The following MBNL3 variants were observed in gnomAD, a reference collection of about 807,000 sequenced individuals.
MBNL3 encodes the protein muscleblind-like protein 3.
MBNL3 carries 6 observed loss-of-function variants against 24.5 expected under a neutral mutation model. The ratio of observed to expected loss-of-function variants is 0.25; its 90% CI spans 0.13 to 0.48. MBNL3 has a LOEUF of 0.48. MBNL3 is among the 20% of genes least tolerant of loss of function. The pLI is 0.99. For missense variants in MBNL3, 230 were observed against 293.5 expected (o/e 0.78, Z 1.58); for synonymous variants, 100 against 101.7 (o/e 0.98, Z 0.10).
At position 132,377,750 on chromosome X, in the gene MBNL3, AG is replaced by A. The variant is rs1433680141; in HGVS notation, c.*1915del. 1.8e-5 allele frequency: 2 copies of A among 110,387 alleles called. No individual in the cohort carries two copies. Among genetic ancestry groups the A allele is most frequent in the African/African-American group, 6.6e-5 (2 of 30,420 alleles). The allele number at this position is 110,387 out of a possible 1,213,427, so 9.1% of individuals were successfully genotyped here. A position where few individuals can be genotyped will look rare whatever the true frequency, so the allele number is the denominator to read the frequency against. On this transcript the variant is annotated 3_prime_UTR_variant, in exon 9 of 9. Transcript: ENST00000370853. ...GATTCAAACACTTCTAGCCAGCTTAAGGTATCCTCAATCAGATTTGCTTTTT... is the reference window on the plus strand; with the variant it reads ...GATTCAAACACTTCTAGCCAGCTTAAGTATCCTCAATCAGATTTGCTTTTT...
chrX:132,387,274 G>GAAAA lies in MBNL3; in HGVS notation c.772-467_772-464dup, dbSNP rs1230246022. On this transcript the variant is annotated intron_variant, in intron 5 of 8. Coordinates refer to ENST00000370853, the MANE Select transcript of MBNL3 (RefSeq NM_001386889.1). ...GTGACAGAGCAAGAGCCTGTCTCAA[G>GAAAA]AAAAAAAAAAAAAAAAAAAGAGGTA... 4.9e-4 allele frequency among the ~76,000 whole-genome samples: 11 copies of GAAAA among 22,620 alleles called. 1 individual carries two copies. In the East Asian group the frequency reaches 9.3e-3, roughly 19 times the overall value. 19.6% of individuals were successfully genotyped at this position (22,620 alleles called of 115,157 possible). A position where few individuals can be genotyped will look rare whatever the true frequency, so the allele number is the denominator to read the frequency against.
intron 2 of MBNL3, among the ~76,000 whole-genome samples, chrX:132,407,691 C>A: frequency 9.0e-6 from 1 of 111,369 alleles, no homozygotes; most frequent in African/African-American, 3.3e-5. Flanking sequence ...GGGTCTTTTC[C>A]CCATAAATGT....
intron 3 of MBNL3, among the ~76,000 whole-genome samples, chrX:132,396,627 C>CCT (rs1556296715): frequency 5.7e-5 from 2 of 35,134 alleles, no homozygotes; most frequent in African/African-American, 1.3e-4. Context: ...TATATATATT[C>CCT]ATATATATTC....
intron 1 of MBNL3, among the ~76,000 whole-genome samples, chrX:132,470,771 C>T (rs1947138126): frequency 1.8e-5 from 2 of 111,635 alleles, no homozygotes; most frequent in Non-Finnish European, 3.8e-5. Context: ...ATGTCTGTCG[C>T]GTCTGGTGGT....
intron 3 of MBNL3, among the ~76,000 whole-genome samples, chrX:132,396,969 TG>T (rs1569426976): frequency 4.7e-4 from 38 of 80,398 alleles, no homozygotes; most frequent in African/African-American, 1.7e-3. Flanking sequence ...CATATATATA[TG>T]AATATATATG....
intron 8 of MBNL3, among the ~76,000 whole-genome samples, chrX:132,380,872 A>C (rs1363483008): frequency 4.5e-5 from 5 of 111,320 alleles, no homozygotes; most frequent in Non-Finnish European, 9.4e-5. Context: ...AAATTTTAAA[A>C]AAGAGACATG....
rs191460867 is a variant in MBNL3 at position 132,445,322 on chromosome X, G to A, written c.-703-5008C>T. On this transcript the variant is annotated intron_variant, in intron 1 of 8. Transcript: ENST00000370853. Reference sequence around the variant, plus strand: ...TTGCTTCAAGTTCTATTTCCCTCACGTGTTTTCGTTAGTGGTCCACCACCA... The same window carrying A: ...TTGCTTCAAGTTCTATTTCCCTCACATGTTTTCGTTAGTGGTCCACCACCA... Among the ~76,000 whole-genome samples, 198 of 110,199 alleles carry A rather than the reference G, an allele frequency of 1.8e-3. No homozygotes were observed. In the Middle Eastern group the frequency reaches 0.019, roughly 11 times the overall value.
intron 1 of MBNL3, among the ~76,000 whole-genome samples, chrX:132,449,082 C>A (rs143840964): frequency 2.9e-3 from 326 of 111,564 alleles, no homozygotes; most frequent in Middle Eastern, 4.7e-3. Context: ...AGAATAAGTG[C>A]GATGTGTTTC....
upstream of MBNL3, chrX:132,489,688 C>CA (rs1489206610): frequency 8.2e-5 from 5 of 61,316 alleles, no homozygotes; most frequent in Admixed American, 3.7e-4. Context: ...ACGGAAACTC[C>CA]CGCGAAACTC....
At chrX:132,421,729 C>A (rs757020839) in intron 2 of MBNL3, among the ~76,000 whole-genome samples, 1 of 111,453 alleles carries the variant, frequency 9.0e-6, no homozygotes, top group Non-Finnish European at 1.9e-5. Flanking sequence ...CATTCAAAGT[C>A]ATTTGTATTA....
chrX:132,422,046 T>G (rs1336268610), intron 2 of MBNL3, among the ~76,000 whole-genome samples: 1 of 111,507 alleles, frequency 9.0e-6, no homozygotes, highest in African/African-American at 3.3e-5. Context: ...AATTTTTCAT[T>G]TTTCTTATTT....
chrX:132,439,637 G>T lies in MBNL3; in HGVS notation c.-26C>A, dbSNP rs909467556. The T allele has an allele frequency of 6.0e-6, 7 of 1,174,595 alleles. No individual in the cohort carries two copies. The Admixed American group carries it at 1.2e-4, about 20-fold the overall frequency. ...ATTGAAAGCAAAATTAAAATCCAAT[G>T]TACCCTCTTTAGGACAATATTACTG... On this transcript the variant is annotated 5_prime_UTR_variant, in exon 2 of 9. Transcript: ENST00000370853.
chrX:132,482,180 A>G (rs1291792792), intron 1 of MBNL3, among the ~76,000 whole-genome samples: 1 of 112,170 alleles, frequency 8.9e-6, no homozygotes, highest in Non-Finnish European at 1.9e-5. Flanking sequence ...GGTGATGATA[A>G]TAACAATTTA....
At chrX:132,460,916 C>T (rs999298933) in intron 1 of MBNL3, among the ~76,000 whole-genome samples, 1 of 110,870 alleles carries the variant, frequency 9.0e-6, no homozygotes, top group South Asian at 3.9e-4. Flanking sequence ...TATGTCTTTG[C>T]GTCCTCATAG....
intron 2 of MBNL3, among the ~76,000 whole-genome samples, chrX:132,412,029 G>A (rs1184540967): frequency 2.7e-5 from 3 of 111,504 alleles, no homozygotes; most frequent in Non-Finnish European, 3.8e-5. Flanking sequence ...GCCCCTGGTT[G>A]TCTGTTCCAA....
chrX:132,444,759 A>G (rs899470179), intron 1 of MBNL3, among the ~76,000 whole-genome samples: 3 of 112,121 alleles, frequency 2.7e-5, no homozygotes, highest in African/African-American at 9.7e-5. Context: ...AATTACATAC[A>G]TAATAGATTC....
intron 2 of MBNL3, among the ~76,000 whole-genome samples, chrX:132,413,201 G>A (rs778879400): frequency 9.0e-6 from 1 of 111,400 alleles, no homozygotes; most frequent in Admixed American, 9.5e-5. Flanking sequence ...TTGCCACAAC[G>A]ATTTAGAAGC....
Position 132,459,023 on chromosome X carries a change from T to C in MBNL3, c.-703-18709A>G, listed in dbSNP as rs188586435. On this transcript the variant is annotated intron_variant, in intron 1 of 8. Coordinates refer to ENST00000370853, the MANE Select transcript of MBNL3 (RefSeq NM_001386889.1). ...CTTCTATCAATCATTCTATTAAAACTCCCCTAGAGTCAATGACTGCATTCA... is the reference window on the plus strand; with the variant it reads ...CTTCTATCAATCATTCTATTAAAACCCCCCTAGAGTCAATGACTGCATTCA... Among the ~76,000 whole-genome samples the C allele has an allele frequency of 7.6e-3, 793 of 104,582 alleles. 5 individuals are homozygous for C. Among genetic ancestry groups the C allele is most frequent in the African/African-American group, 0.026 (751 of 28,451 alleles). The allele number at this position is 104,582 out of a possible 115,157, so 90.8% of individuals were successfully genotyped here. A position where few individuals can be genotyped will look rare whatever the true frequency, so the allele number is the denominator to read the frequency against.
In MBNL3 at chrX:132,369,378, A is replaced by G. The variant is rs750233908; in HGVS notation, c.*10288T>C. 8.0e-5 allele frequency: 9 copies of G among 112,221 alleles called. No individual in the cohort carries two copies. In the South Asian group the frequency reaches 3.0e-3, roughly 37 times the overall value. 9.2% of individuals were successfully genotyped at this position (112,221 alleles called of 1,213,427 possible). A position where few individuals can be genotyped will look rare whatever the true frequency, so the allele number is the denominator to read the frequency against. On this transcript the variant is annotated 3_prime_UTR_variant, in exon 9 of 9. Transcript: ENST00000370853. ...GGTTAACAAAGGCACATCAATAACCACTTACTATATATACAGAAATATATA... is the reference window on the plus strand; with the variant it reads ...GGTTAACAAAGGCACATCAATAACCGCTTACTATATATACAGAAATATATA...
Sources: allele counts gnomAD v4.1 joint callset (sites outside exome capture counted in the v4.1 genomes callset), GRCh38; gene constraint gnomAD v4.1.1; transcripts MANE v1.5; gene names NCBI Gene and HGNC (gene_info 2026-07-23, HGNC 2026-07-21).